The following PARP4 variants were observed in gnomAD, a reference collection of about 807,000 sequenced individuals.
PARP4 encodes the protein protein mono-ADP-ribosyltransferase PARP4.
In PARP4, 120 loss-of-function variants were observed where a neutral mutation model predicts 187.7. The observed-to-expected ratio is 0.64, with a 90% CI of 0.55 to 0.74. PARP4 has a LOEUF of 0.74. Ranked by LOEUF, PARP4 falls within the 30% of genes least tolerant of loss-of-function variation. The pLI, the probability that PARP4 is intolerant of heterozygous loss-of-function variation, is 0.00. For synonymous variants in PARP4, 654 were observed against 740.9 expected (o/e 0.88, Z 1.90); for missense variants, 1,836 against 2,070.5 (o/e 0.89, Z 2.20).
Position 24,491,654 on chromosome 13 carries a change from G to A in PARP4, c.1053+767C>T, listed in dbSNP as rs79678133. On this transcript the variant is annotated intron_variant, in intron 9 of 33. Coordinates refer to ENST00000381989, the MANE Select transcript of PARP4 (RefSeq NM_006437.4). ...CCTGCATGCACAGATGAGGGAACAC[G>A]GACCAAGAGAGTGACTTCAGCCTAG... Among the ~76,000 whole-genome samples, 13 of 152,276 alleles carry A rather than the reference G, an allele frequency of 8.5e-5. No homozygotes were observed. The East Asian group carries it at 2.3e-3, about 27-fold the overall frequency.
intron 10 of PARP4, among the ~76,000 whole-genome samples, chr13:24,487,449 T>C (rs1873625693): frequency 6.6e-6 from 1 of 152,074 alleles, no homozygotes; most frequent in African/African-American, 2.4e-5. Flanking sequence ...GGGGAGCATC[T>C]GGAAGGACAC....
chr13:24,500,185 C>G, intron 4 of PARP4, 131 bp downstream of exon 4: 1 of 437,472 alleles, frequency 2.3e-6, no homozygotes, highest in Non-Finnish European at 4.1e-6. Flanking sequence ...TAAAAAATCA[C>G]TTGAGTTAGA....
chr13:24,487,971 A>C (rs61948878), intron 10 of PARP4, among the ~76,000 whole-genome samples: 28,459 of 147,106 alleles, frequency 0.19, 980 homozygotes, highest in African/African-American at 0.27. Flanking sequence ...AAGCTTTTAG[A>C]AAAGAACATG....
At chr13:24,463,056 A>C (rs1354049422) in intron 17 of PARP4, among the ~76,000 whole-genome samples, 2 of 152,178 alleles carry the variant, frequency 1.3e-5, no homozygotes, top group Non-Finnish European at 2.9e-5. Flanking sequence ...AATAAGCAAT[A>C]AATTTAAAAA....
chr13:24,455,115 A>G lies in PARP4; in HGVS notation c.2660T>C (p.Met887Thr), dbSNP rs767317308. Residue 887 changes from methionine to threonine, a missense_variant, in exon 22 of 34, where the codon ATG becomes ACG. By Grantham distance (81) the Met-to-Thr change is moderately conservative. Around this residue, in one of 8 missense-constraint regions of PARP4, gnomAD observed 1,147 missense variants for 1,214.2 expected, o/e 0.94. Coordinates refer to ENST00000381989, the MANE Select transcript of PARP4 (RefSeq NM_006437.4). ...VIICLDCSSS[M>T]EGVTFLQAKQ... ...GGCTTGCAAGAATGTCACACCCTCCATGGAACTGGAGCAGTCAAGACAAAT... is the reference window on the plus strand; with the variant it reads ...GGCTTGCAAGAATGTCACACCCTCCGTGGAACTGGAGCAGTCAAGACAAAT... 3.7e-6 allele frequency: 6 copies of G among 1,613,450 alleles called. No individual in the cohort carries two copies. The South Asian group carries it at 6.6e-5, about 18-fold the overall frequency.
At chr13:24,500,500 T>A in intron 3 of PARP4, 118 bp from the exon 4 acceptor site, 1 of 564,754 alleles carries the variant, frequency 1.8e-6, no homozygotes, top group Non-Finnish European at 3.0e-6. Flanking sequence ...GTTATAATTT[T>A]GGTGATCAAA....
At position 24,441,857 on chromosome 13, in the gene PARP4, C is replaced by T. The variant is rs368137267; in HGVS notation, c.3655G>A (p.Val1219Ile). Residue 1219 changes from valine to isoleucine, a missense_variant, in exon 30 of 34, where the codon GTC (valine) becomes ATC (isoleucine). Around this residue, in one of 8 missense-constraint regions of PARP4, gnomAD observed 47 missense variants for 99.5 expected, o/e 0.47. Transcript: ENST00000381989. ...TAATCAGCATTTACCTGGTTCCTGA[C>T]GGCTTCTTGGGGCTCCCCCTGCCAG... Reference protein sequence around the residue: ...MSWQGEPQEAVRNQSLLASSE... With the variant: ...MSWQGEPQEAIRNQSLLASSE... 5.5e-5 allele frequency: 87 copies of T among 1,595,848 alleles called. No homozygotes were observed. Among genetic ancestry groups the T allele is most frequent in the African/African-American group, 2.7e-4 (20 of 73,432 alleles).
At chr13:24,490,231 C>G (rs1649866898) in intron 10 of PARP4, among the ~76,000 whole-genome samples, 1 of 151,868 alleles carries the variant, frequency 6.6e-6, no homozygotes, top group Admixed American at 6.6e-5. Flanking sequence ...TGGGTATGCA[C>G]AGTGAATGAG....
Position 24,493,581 on chromosome 13 carries a change from G to A in PARP4, c.879+15C>T, listed in dbSNP as rs779536906. 25 of 1,591,634 alleles carry A rather than the reference G, an allele frequency of 1.6e-5. No homozygotes were observed. Among genetic ancestry groups the A allele is most frequent in the East Asian group, 4.5e-5 (2 of 44,608 alleles). On this transcript the variant is annotated intron_variant, in intron 8 of 33. Coordinates refer to ENST00000381989, the MANE Select transcript of PARP4 (RefSeq NM_006437.4). ...CAGATTTTTCACATTCTGTTTCAGC[G>A]ACACACCAACTTACATCGTTGAGGC...
rs1252946650 is a variant in PARP4, at chr13:24,501,824, A to G, written c.143T>C (p.Ile48Thr). The G allele has an allele frequency of 1.9e-6, 3 of 1,603,884 alleles. No homozygotes were observed. The highest frequency in any genetic ancestry group is 2.2e-5 in the East Asian group (1 of 44,836). ...SFSLNPQCTHIILDNADVLSQ... is the reference protein window; with the variant it reads ...SFSLNPQCTHTILDNADVLSQ... ...CAGAACATCAGCATTATCTAAGATT[A>G]TATGTGTGCACTAAGGAAAAAAAGA... is the stretch of plus-strand genomic sequence containing the variant. The change falls in exon 3 of 34, where the codon ATA becomes ACA. Residue 48 changes from isoleucine to threonine, a missense_variant. Physicochemically the swap from Ile to Thr is moderately conservative, Grantham distance 89 (BLOSUM62 -1). Around this residue, in one of 8 missense-constraint regions of PARP4, gnomAD observed 1,147 missense variants for 1,214.2 expected, o/e 0.94. Coordinates refer to ENST00000381989, the MANE Select transcript of PARP4 (RefSeq NM_006437.4).
intron 15 of PARP4, among the ~76,000 whole-genome samples, chr13:24,474,706 T>C (rs894585046): frequency 1.3e-5 from 2 of 152,186 alleles, no homozygotes; most frequent in African/African-American, 4.8e-5. Flanking sequence ...CTAGGGAACT[T>C]GACCTAACAT....
chr13:24,426,364 TA>T (rs1870049121), intron 33 of PARP4, 101 bp downstream of exon 33: 1 of 811,626 alleles, frequency 1.2e-6, no homozygotes, highest in Non-Finnish European at 1.8e-6. Context: ...TACATACTTA[TA>T]GTGTACACAT....
intron 8 of PARP4, among the ~76,000 whole-genome samples, chr13:24,493,214 G>C (rs1036714750): frequency 1.3e-5 from 2 of 152,198 alleles, no homozygotes; most frequent in African/African-American, 4.8e-5. Flanking sequence ...TCCTAAGACA[G>C]AAGGTGCAAG....
rs1869728737 is a variant in PARP4, at chr13:24,421,268, C to T, written c.5026G>A (p.Val1676Ile). The T allele has an allele frequency of 7.6e-7, 1 of 1,319,214 alleles. No homozygotes were observed. The highest frequency in any genetic ancestry group is 2.9e-5 in the Admixed American group (1 of 34,570). The allele number at this position is 1,319,214 out of a possible 1,614,324, so 81.7% of individuals were successfully genotyped here. ...GGGTACTGTCCTTCAGTTCTTCTTA[C>T]CCATTCACTTGCTTGCTTTATTGCC... is the stretch of plus-strand genomic sequence containing the variant. Reference protein sequence around the residue: ...FEAIKQASEWVRRTEGQYPSI... With the variant: ...FEAIKQASEWIRRTEGQYPSI... Residue 1676 changes from valine (V) to isoleucine (I), a missense_variant, in exon 34 of 34, where the codon GTA (valine) becomes ATA (isoleucine). By Grantham distance (29) the Val-to-Ile change is conservative. Transcript: ENST00000381989.
chr13:24,447,880 C>T (rs1423402332), intron 25 of PARP4, among the ~76,000 whole-genome samples: 1 of 152,156 alleles, frequency 6.6e-6, no homozygotes, highest in African/African-American at 2.4e-5. Flanking sequence ...CGGTGAGATC[C>T]CATTTCACAC....
chr13:24,460,777 ACCC>A (rs1872180332), intron 17 of PARP4, among the ~76,000 whole-genome samples: 1 of 151,742 alleles, frequency 6.6e-6, no homozygotes, highest in Non-Finnish European at 1.5e-5. Context: ...TAGCCTTGAA[ACCC>A]CAGGTCTAAG....
At chr13:24,484,954 T>C (rs1010285248) in intron 11 of PARP4, among the ~76,000 whole-genome samples, 6 of 152,244 alleles carry the variant, frequency 3.9e-5, no homozygotes, top group African/African-American at 1.2e-4. Flanking sequence ...CATTAGGAGA[T>C]TGAATGAATT....
intron 17 of PARP4, among the ~76,000 whole-genome samples, chr13:24,461,828 G>A (rs1043510556): frequency 9.2e-5 from 14 of 152,172 alleles, no homozygotes; most frequent in African/African-American, 3.1e-4. Context: ...AAGTAAACCA[G>A]GGATCAGAAG....
chr13:24,473,750 G>A (rs1415369990), intron 15 of PARP4, among the ~76,000 whole-genome samples: 3 of 152,064 alleles, frequency 2.0e-5, no homozygotes, highest in Non-Finnish European at 2.9e-5. Context: ...ACCATCAAAA[G>A]GCAAAGGTCA....
Sources: gnomAD v4.1 joint callset for allele counts (sites outside exome capture counted in the v4.1 genomes callset) on GRCh38, gnomAD v4.1.1 for gene constraint, gnomAD v4.1.1 regional missense constraint, MANE v1.5 for transcripts, NCBI Gene and HGNC (gene_info 2026-07-23, HGNC 2026-07-21) for gene names.